Variants in TTLL4 observed in about 807,000 individuals in gnomAD.
TTLL4 encodes tubulin monoglutamylase TTLL4.
In TTLL4, 85 loss-of-function variants were observed where a neutral mutation model predicts 122.7. That is an observed-to-expected ratio of 0.69 (90% CI 0.58 to 0.83). The LOEUF is 0.83. Ranked by LOEUF, TTLL4 falls within the 40% of genes least tolerant of loss-of-function variation. The pLI is 0.00. For synonymous variants in TTLL4, 553 were observed against 563.0 expected, an observed-to-expected ratio of 0.98 and a Z score of 0.25; for missense variants, 1,363 against 1,488.6, an observed-to-expected ratio of 0.92 and a Z score of 1.39.
intron 18 of TTLL4, 131 bp downstream of exon 18, chr2:218,753,316 C>A: frequency 9.5e-7 from 1 of 1,058,158 alleles, no homozygotes; most frequent in Non-Finnish European, 1.4e-6. Context: ...TTCTGTCTCA[C>A]CATTCTTTCC....
intron 16 of TTLL4, 92 bp from the exon 17 acceptor site, chr2:218,752,670 CA>C: frequency 7.2e-7 from 1 of 1,383,996 alleles, no homozygotes; most frequent in Non-Finnish European, 1.0e-6. Flanking sequence ...TGTAGGACCC[CA>C]GGGGTGTGCT....
intron 7 of TTLL4, 128 bp from the exon 8 acceptor site, chr2:218,746,027 A>G: frequency 9.0e-7 from 1 of 1,117,016 alleles, no homozygotes; most frequent in South Asian, 1.3e-5. Context: ...GGCCTCATGT[A>G]GGACAGCTCC....
intron 8 of TTLL4, 30 bp downstream of exon 8, chr2:218,746,261 C>T: frequency 6.2e-7 from 1 of 1,612,444 alleles, no homozygotes; most frequent in Non-Finnish European, 8.5e-7. Flanking sequence ...AGCTGTTTCC[C>T]TGGACTTTGG....
intron 2 of TTLL4, among the ~76,000 whole-genome samples, chr2:218,730,453 A>G (rs1346094478): frequency 6.6e-6 from 1 of 151,256 alleles, no homozygotes; most frequent in Non-Finnish European, 1.5e-5. Flanking sequence ...GGTTGCAGTG[A>G]GCTGAGATCA....
Position 218,739,079 on chromosome 2 carries a change from G to A in TTLL4, c.1403G>A (p.Arg468His), listed in dbSNP as rs761668602. ...CTTGGCATAGCCAACGTGGCCACCC[G>A]CCTCTCTTCCATCCAGCTGGGCCAG... ...QTLGIANVAT[R>H]LSSIQLGQSE... Residue 468 changes from arginine (R) to histidine (H), a missense_variant, in exon 3 of 20, where the codon CGC becomes CAC. By Grantham distance (29) the Arg-to-His change is conservative. This residue lies in a region of TTLL4 where 760 missense variants were observed against 808.4 expected (regional missense o/e 0.94). Transcript: ENST00000392102. 1.3e-5 allele frequency: 21 copies of A among 1,613,970 alleles called. No individual in the cohort carries two copies. The highest frequency in any genetic ancestry group is 4.5e-5 in the East Asian group (2 of 44,900).
intron 1 of TTLL4, among the ~76,000 whole-genome samples, chr2:218,714,837 G>T (rs1021519166): frequency 1.3e-5 from 2 of 151,820 alleles, no homozygotes; most frequent in African/African-American, 4.9e-5. Context: ...TCGAACTCCT[G>T]GACTCAAACA....
Position 218,747,507 on chromosome 2 carries a change from G to T in TTLL4, c.2250-90G>T. The T allele has an allele frequency of 6.3e-7, 1 of 1,578,636 alleles. No individual in the cohort carries two copies. The stretch of plus-strand genomic sequence containing the variant: ...CCAACTGTTCTAAGGTCTTTATCTT[G>T]GGGACTGTTAGCTGGCTTTTCCTGT... On this transcript the variant is annotated intron_variant, in intron 10 of 19. Transcript: ENST00000392102. The surrounding 1 kb of genome is among the most constrained non-coding windows in gnomAD (Gnocchi z 4.7).
chr2:218,722,152 C>T (rs552909384), intron 1 of TTLL4, among the ~76,000 whole-genome samples: 6 of 152,054 alleles, frequency 3.9e-5, no homozygotes, highest in Non-Finnish European at 8.8e-5. Context: ...TGCGGTGGAA[C>T]ACACCAGTAG....
In TTLL4 at chr2:218,737,663, G is replaced by A. The variant is rs1417366053; in HGVS notation, c.-14G>A. ...CAAGGCCATGAGACCGTGTGGCCAT[G>A]ATGTGGGCCCCTCATGGCCTCAGCA... On this transcript the variant is annotated 5_prime_UTR_variant, in exon 3 of 20. An upstream start codon of the reference 5' UTR is lost. Transcript: ENST00000392102. The A allele has an allele frequency of 6.4e-7, 1 of 1,569,582 alleles. No homozygotes were observed. The highest frequency in any genetic ancestry group is 1.2e-5 in the South Asian group (1 of 84,492).
Position 218,749,389 on chromosome 2 carries a change from T to C in TTLL4, c.2735+2T>C. 6.2e-7 allele frequency: 1 copy of C among 1,614,006 alleles called. No homozygotes were observed. The highest frequency in any genetic ancestry group is 8.5e-7 in the Non-Finnish European group (1 of 1,179,984). On this transcript the variant is annotated splice_donor_variant, in intron 14 of 19. Transcript: ENST00000392102. LOFTEE classifies it high-confidence loss of function. ...CCTGGAAGTCAACATTTCCCCAAGG[T>C]AGGTGGTATTCTCAGGACACTCACC...
chr2:218,722,676 G>A (rs1296259586), intron 1 of TTLL4, among the ~76,000 whole-genome samples: 2 of 152,176 alleles, frequency 1.3e-5, no homozygotes, highest in Non-Finnish European at 2.9e-5. Flanking sequence ...GCCATCAGAT[G>A]ATCTTAAGCT....
chr2:218,714,191 T>C (rs974455428), intron 1 of TTLL4, among the ~76,000 whole-genome samples: 1 of 152,104 alleles, frequency 6.6e-6, no homozygotes, highest in Non-Finnish European at 1.5e-5. Context: ...AAGTCTGAAC[T>C]CAGAGCAACA....
At chr2:218,751,632 C>T (rs1943016028) in intron 15 of TTLL4, 72 bp from the exon 16 acceptor site, 3 of 1,563,692 alleles carry the variant, frequency 1.9e-6, no homozygotes, top group Admixed American at 1.9e-5. Context: ...CTGGGCTGGA[C>T]CTCCTCCATA....
Position 218,747,076 on chromosome 2 carries a change from G to A in TTLL4, c.2048G>A (p.Ser683Asn), listed in dbSNP as rs1942863032. The A allele has an allele frequency of 6.2e-7, 1 of 1,614,212 alleles. No homozygotes were observed. The highest frequency in any genetic ancestry group is 1.7e-5 in the Admixed American group (1 of 60,032). ...TGGCGGAACCTGTCACGTATGCAGA[G>A]CCGCTTTGGCAAGAAGGAGTTCAGT... ...RLWRNLSRMQ[S>N]RFGKKEFSFF... Residue 683 changes from serine (S) to asparagine (N), a missense_variant, in exon 9 of 20, where the codon AGC becomes AAC. Ser to Asn is a conservative substitution (Grantham distance 46). Transcript: ENST00000392102. The surrounding 1 kb of genome is among the most constrained non-coding windows in gnomAD (Gnocchi z 4.7).
chr2:218,752,680 C>T, intron 16 of TTLL4, 83 bp from the exon 17 acceptor site: 1 of 1,478,766 alleles, frequency 6.8e-7, no homozygotes, highest in East Asian at 2.3e-5. Flanking sequence ...CAGGGGTGTG[C>T]TCCCTGTTCC....
At chr2:218,753,227 C>T (rs1189228276) in intron 18 of TTLL4, 42 bp downstream of exon 18, 2 of 1,608,250 alleles carry the variant, frequency 1.2e-6, no homozygotes, top group South Asian at 1.1e-5. Context: ...TCTCAGGCCC[C>T]TCCCTCCTCT....
chr2:218,753,380 CA>C, intron 18 of TTLL4, 195 bp downstream of exon 18: 5 of 831,278 alleles, frequency 6.0e-6, no homozygotes, highest in Non-Finnish European at 9.6e-6. Flanking sequence ...TTTCAAGGAT[CA>C]AAAAGTGCTT....
intron 2 of TTLL4, among the ~76,000 whole-genome samples, chr2:218,733,208 G>A (rs1045614776): frequency 6.6e-6 from 1 of 152,034 alleles, no homozygotes; most frequent in African/African-American, 2.4e-5. Flanking sequence ...CACATCATGG[G>A]GACTGTATTA....
At chr2:218,743,700 A>C (rs543848691) in intron 5 of TTLL4, among the ~76,000 whole-genome samples, 27 of 150,334 alleles carry the variant, frequency 1.8e-4, no homozygotes, top group African/African-American at 6.3e-4. Flanking sequence ...TTTTTTTGAG[A>C]TGGAGTTTTG....
Sources: gnomAD v4.1 joint callset for allele counts (sites outside exome capture counted in the v4.1 genomes callset) on GRCh38, gnomAD v4.1.1 for gene constraint, gnomAD v4.1.1 regional missense constraint, Gnocchi (gnomAD v3.1) non-coding constraint, MANE v1.5 for transcripts, NCBI Gene and HGNC (gene_info 2026-07-23, HGNC 2026-07-21) for gene names.